The following MYO16 variants were observed in gnomAD, a reference collection of about 807,000 sequenced individuals.
The protein encoded by MYO16 is unconventional myosin-XVI.
A neutral mutation model predicts 205.3 loss-of-function variants in MYO16; 94 were observed. The observed-to-expected ratio is 0.46, with a 90% CI of 0.39 to 0.54. The LOEUF is 0.54. Among genes scored for constraint, MYO16 ranks in the 20% least tolerant of loss-of-function variants. The pLI is 0.00. For synonymous variants in MYO16, 988 were observed against 954.0 expected, an observed-to-expected ratio of 1.04 and a Z score of -0.66; for missense variants, 2,315 against 2,387.5, an observed-to-expected ratio of 0.97 and a Z score of 0.63.
At chr13:109,176,270 A>AT (rs1325539630) in intron 33 of MYO16, among the ~76,000 whole-genome samples, 7 of 120,274 alleles carry the variant, frequency 5.8e-5, no homozygotes, top group African/African-American at 1.3e-4. Flanking sequence ...ATATTTTCAT[A>AT]TTTTTTCTCC....
intron 19 of MYO16, among the ~76,000 whole-genome samples, chr13:108,963,679 C>G (rs1161786905): frequency 6.6e-6 from 1 of 152,202 alleles, no homozygotes; most frequent in East Asian, 1.9e-4. Flanking sequence ...TTAGGAGGCC[C>G]CACTGGCACC....
At chr13:108,887,003 T>C (rs1042810413) in intron 13 of MYO16, among the ~76,000 whole-genome samples, 1 of 152,184 alleles carries the variant, frequency 6.6e-6, no homozygotes, top group African/African-American at 2.4e-5. Flanking sequence ...ACGAATATGA[T>C]AAAATTAGCC....
intron 12 of MYO16, among the ~76,000 whole-genome samples, chr13:108,873,931 G>A (rs1301112488): frequency 6.6e-6 from 1 of 152,228 alleles, no homozygotes; most frequent in African/African-American, 2.4e-5. Context: ...TCCTGCATGG[G>A]CTTTACAAAA....
intron 5 of MYO16, among the ~76,000 whole-genome samples, chr13:108,786,326 C>G (rs1270319386): frequency 6.6e-6 from 1 of 152,160 alleles, no homozygotes; most frequent in East Asian, 1.9e-4. Flanking sequence ...TTATACAGGT[C>G]CAGCATATAA....
intron 28 of MYO16, among the ~76,000 whole-genome samples, chr13:109,116,360 A>T (rs1875681674): frequency 6.6e-6 from 1 of 152,088 alleles, no homozygotes; most frequent in Non-Finnish European, 1.5e-5. Flanking sequence ...CCACCAGGGG[A>T]TTGGAGGACA....
At chr13:108,568,706 T>TTTA in the MYO16 span, among the ~76,000 whole-genome samples, 6 of 58,780 alleles carry the variant, frequency 1.0e-4, no homozygotes, top group East Asian at 9.5e-4. Context: ...GTTTATCTAC[T>TTTA]TTATTATTAT....
chr13:109,130,491 T>C (rs1248050090), intron 31 of MYO16, among the ~76,000 whole-genome samples: 1 of 152,258 alleles, frequency 6.6e-6, no homozygotes, highest in Non-Finnish European at 1.5e-5. Context: ...CTCAATACTG[T>C]ATATTTTTAA....
chr13:108,561,443 C>A, the MYO16 span, among the ~76,000 whole-genome samples: 4 of 152,340 alleles, frequency 2.6e-5, no homozygotes, highest in South Asian at 8.3e-4. Flanking sequence ...ACTCTCTAAA[C>A]TGAAGCAATG....
At chr13:108,642,407 C>A (rs912336937) in intron 1 of MYO16, among the ~76,000 whole-genome samples, 5 of 152,122 alleles carry the variant, frequency 3.3e-5, no homozygotes, top group African/African-American at 9.7e-5. Flanking sequence ...ATGCTCTTCC[C>A]CACTTTAATC....
chr13:108,659,837 GC>G (rs1223043935), intron 1 of MYO16, among the ~76,000 whole-genome samples: 1 of 152,304 alleles, frequency 6.6e-6, no homozygotes, highest in African/African-American at 2.4e-5. Context: ...CCAAGTTCCT[GC>G]CTTTATGGGG....
intron 28 of MYO16, among the ~76,000 whole-genome samples, chr13:109,117,504 T>TA (rs1317501029): frequency 5.5e-4 from 81 of 148,414 alleles, no homozygotes; most frequent in African/African-American, 2.0e-3. Context: ...AATATATATG[T>TA]ATATATGTAT....
chr13:108,994,103 A>G (rs912553909), intron 21 of MYO16, among the ~76,000 whole-genome samples: 7 of 152,200 alleles, frequency 4.6e-5, no homozygotes, highest in African/African-American at 7.2e-5. Context: ...TACTACAATT[A>G]TATAAATCCC....
intron 27 of MYO16, among the ~76,000 whole-genome samples, chr13:109,078,417 G>A (rs1211232786): frequency 6.6e-6 from 1 of 151,714 alleles, no homozygotes. Context: ...CTCCGGTCTG[G>A]GCAACAGAGC....
At chr13:108,971,356 TA>T (rs1884002544) in intron 20 of MYO16, among the ~76,000 whole-genome samples, 1 of 125,318 alleles carries the variant, frequency 8.0e-6, no homozygotes, top group South Asian at 2.2e-4. Context: ...TGATTATATA[TA>T]TATATATATA....
rs189067877 is a variant in MYO16 at position 108,823,047 on chromosome 13, G to A, written c.944-78G>A. 4.3e-4 allele frequency: 563 copies of A among 1,311,978 alleles called. 1 individual carries two copies. In the African/African-American group the frequency reaches 6.8e-3, roughly 16 times the overall value. The allele number at this position is 1,311,978 out of a possible 1,614,324, so 81.3% of individuals were successfully genotyped here. A position where few individuals can be genotyped will look rare whatever the true frequency, so the allele number is the denominator to read the frequency against. ...AAATTTTTAGCATTTTAAGCATATC[G>A]GAATTATTGAAAGTAAATAGATTTA... On this transcript the variant is annotated intron_variant, in intron 8 of 34. Coordinates refer to ENST00000457511, the MANE Select transcript of MYO16 (RefSeq NM_001198950.3).
chr13:108,743,071 T>C (rs1344324279), intron 4 of MYO16, among the ~76,000 whole-genome samples: 1 of 152,232 alleles, frequency 6.6e-6, no homozygotes, highest in Admixed American at 6.5e-5. Context: ...CTGTGACAAA[T>C]ATGCACATTT....
Position 109,022,814 on chromosome 13 carries a change from ATT to A in MYO16, c.2796+2904_2796+2905del, listed in dbSNP as rs568565204. 1.1e-3 allele frequency among the ~76,000 whole-genome samples: 152 copies of A among 135,246 alleles called. 1 individual carries two copies. The highest frequency in any genetic ancestry group is 4.0e-3 in the African/African-American group (144 of 36,262). The allele number at this position is 135,246 out of a possible 152,430, so 88.7% of individuals were successfully genotyped here. The stretch of plus-strand genomic sequence containing the variant: ...TGTAAACATATGTATATATTTATAT[ATT>A]ATACTCAATATATAAACATAGTATA... On this transcript the variant is annotated intron_variant, in intron 23 of 34. Coordinates refer to ENST00000457511, the MANE Select transcript of MYO16 (RefSeq NM_001198950.3).
chr13:109,181,762 T>G (rs1879459230), intron 34 of MYO16, among the ~76,000 whole-genome samples: 1 of 149,574 alleles, frequency 6.7e-6, no homozygotes, highest in South Asian at 2.1e-4. Context: ...TCATAACCCA[T>G]TAAAAGAAAT....
intron 17 of MYO16, among the ~76,000 whole-genome samples, chr13:108,959,309 A>AT (rs1281777759): frequency 2.6e-5 from 4 of 151,562 alleles, no homozygotes; most frequent in Non-Finnish European, 4.4e-5. Flanking sequence ...TTTTGTTTTG[A>AT]TTTTTTTCCC....
Sources: gnomAD v4.1 joint callset for allele counts (sites outside exome capture counted in the v4.1 genomes callset) on GRCh38, gnomAD v4.1.1 for gene constraint, MANE v1.5 for transcripts, NCBI Gene and HGNC (gene_info 2026-07-23, HGNC 2026-07-21) for gene names.